The following PDGFRB variants were observed in gnomAD, a reference collection of about 807,000 sequenced individuals.
The protein encoded by PDGFRB is platelet derived growth factor receptor beta, also known as platelet-derived growth factor receptor beta.
PDGFRB carries 42 observed loss-of-function variants against 120.2 expected under a neutral mutation model. The ratio of observed to expected loss-of-function variants is 0.35; its 90% CI spans 0.27 to 0.45. The LOEUF is 0.45. Ranked by LOEUF, PDGFRB falls within the 20% of genes least tolerant of loss-of-function variation. The pLI is 1.00. For synonymous variants in PDGFRB, 586 were observed against 606.8 expected (o/e 0.97, Z 0.50); for missense variants, 1,149 against 1,476.3 (o/e 0.78, Z 3.63).
intron 22 of PDGFRB, 75 bp downstream of exon 22, chr5:150,117,538 GCGCGC>G (rs530509898): frequency 1.7e-6 from 1 of 586,064 alleles, no homozygotes. Flanking sequence ...GCGCGCGCGC[GCGCGC>G]GCACACACAC....
At chr5:150,119,746 G>A (rs951029787) in intron 19 of PDGFRB, among the ~76,000 whole-genome samples, 180 bp from the exon 20 acceptor site, 1 of 152,224 alleles carries the variant, frequency 6.6e-6, no homozygotes, top group Non-Finnish European at 1.5e-5. Flanking sequence ...ACCCTCCCCA[G>A]GATAGACAGC....
At chr5:150,145,770 G>A (rs1459149510) in intron 1 of PDGFRB, among the ~76,000 whole-genome samples, 1 of 152,124 alleles carries the variant, frequency 6.6e-6, no homozygotes, top group Non-Finnish European at 1.5e-5. Context: ...GCGTGGTGGA[G>A]GGAGCCTGTA....
In PDGFRB at chr5:150,135,568, G is replaced by A. The variant is rs1396345225; in HGVS notation, c.351C>T (p.Tyr117=). Residue 117 remains tyrosine (Y), a synonymous_variant, in exon 3 of 23, where the codon TAC becomes TAT. Transcript: ENST00000261799. Reference sequence around the variant, plus strand: ...GGGAGCCCTTACCTGGCACAAAGATGTAGAGCCGTTTCCGCTCATCGGTCT... The same window carrying A: ...GGGAGCCCTTACCTGGCACAAAGATATAGAGCCGTTTCCGCTCATCGGTCT... The part of the protein sequence containing the change: ...GLETDERKRL[Y]IFVPDPTVGF... The A allele has an allele frequency of 3.7e-6, 6 of 1,605,258 alleles. No homozygotes were observed. The highest frequency in any genetic ancestry group is 1.7e-5 in the Admixed American group (1 of 59,606).
In PDGFRB at chr5:150,120,673, C is replaced by T. The variant is rs193549; in HGVS notation, c.2586+215G>A. On this transcript the variant is annotated intron_variant, in intron 18 of 22. Transcript: ENST00000261799. This position sits in a 1 kb window ranked among gnomAD's most constrained non-coding sequence, Gnocchi z 4.3. ...TGGACCCATTATAGCCAGCCCTCCC[C>T]GCCGCTATACTTGCTCCATGCACTC... Among the ~76,000 whole-genome samples the T allele has an allele frequency of 0.23, 34,321 of 152,158 alleles. 4,744 individuals carry two copies. Among genetic ancestry groups the T allele is most frequent in the Middle Eastern group, 0.35 (104 of 294 alleles).
chr5:150,142,700 C>T (rs917115972), intron 1 of PDGFRB, among the ~76,000 whole-genome samples: 5 of 152,160 alleles, frequency 3.3e-5, no homozygotes, highest in Non-Finnish European at 7.3e-5. Flanking sequence ...AACCAAACCC[C>T]ATACATACTA....
intron 1 of PDGFRB, among the ~76,000 whole-genome samples, chr5:150,148,499 C>T (rs1173097323): frequency 6.6e-6 from 1 of 152,236 alleles, no homozygotes; most frequent in Non-Finnish European, 1.5e-5. Flanking sequence ...GAGGGCAGAA[C>T]AGACATATGG....
At chr5:150,144,606 G>A (rs1020548295) in intron 1 of PDGFRB, among the ~76,000 whole-genome samples, 10 of 152,342 alleles carry the variant, frequency 6.6e-5, no homozygotes, top group East Asian at 3.9e-4. Flanking sequence ...CCCCTCACCC[G>A]TCAGAGTGCC....
chr5:150,127,149 T>A (rs1304810359), intron 10 of PDGFRB, among the ~76,000 whole-genome samples: 5 of 152,174 alleles, frequency 3.3e-5, no homozygotes, highest in African/African-American at 1.2e-4. Flanking sequence ...CGGAGGCCAC[T>A]TCTCCCCACT....
rs1400397047 is a variant in PDGFRB, at chr5:150,121,468, A to AAT, written c.2345-148_2345-147dup. The stretch of plus-strand genomic sequence containing the variant: ...TCCCCTAAAAGGAGAATGATTTCTT[A>AAT]ATATCAAACTCAAAGTTCTCCTGCT... On this transcript the variant is annotated intron_variant, in intron 16 of 22. Coordinates refer to ENST00000261799, the MANE Select transcript of PDGFRB (RefSeq NM_002609.4). This position sits in a 1 kb window ranked among gnomAD's most constrained non-coding sequence, Gnocchi z 4.1. 3.1e-6 allele frequency: 2 copies of AAT among 646,874 alleles called. No individual in the cohort carries two copies. Among genetic ancestry groups the AAT allele is most frequent in the African/African-American group, 3.6e-5 (2 of 55,332 alleles). The allele number at this position is 646,874 out of a possible 1,614,324, so 40.1% of individuals were successfully genotyped here. A position where few individuals can be genotyped will look rare whatever the true frequency, so the allele number is the denominator to read the frequency against.
rs762039865 is a variant in PDGFRB at position 150,129,801 on chromosome 5, T to C, written c.1535A>G (p.Asn512Ser). The C allele has an allele frequency of 2.0e-5, 32 of 1,613,790 alleles. 1 individual carries two copies. The South Asian group carries it at 2.9e-4, about 14-fold the overall frequency. Residue 512 changes from asparagine (N) to serine (S), a missense_variant, in exon 10 of 23, where the codon AAC becomes AGC. Coordinates refer to ENST00000261799, the MANE Select transcript of PDGFRB (RefSeq NM_002609.4). ...CTCCTGCGTGTCCTGGCCCACAGCGTTGCGCAGCGTGCAGCGCACCGACAG... is the reference window on the plus strand; with the variant it reads ...CTCCTGCGTGTCCTGGCCCACAGCGCTGCGCAGCGTGCAGCGCACCGACAG... ...RPLSVRCTLR[N>S]AVGQDTQEVI...
chr5:150,150,913 A>G (rs1321083048), intron 1 of PDGFRB, among the ~76,000 whole-genome samples: 1 of 152,118 alleles, frequency 6.6e-6, no homozygotes, highest in Non-Finnish European at 1.5e-5. Context: ...ATCCACACAC[A>G]GCCCCTAGTG....
intron 1 of PDGFRB, among the ~76,000 whole-genome samples, chr5:150,138,708 C>A (rs1221279372): frequency 6.6e-6 from 1 of 152,232 alleles, no homozygotes; most frequent in Non-Finnish European, 1.5e-5. Flanking sequence ...CAGCTGGATG[C>A]CAGGCCTCCT....
intron 1 of PDGFRB, among the ~76,000 whole-genome samples, chr5:150,147,307 G>C (rs1336762319): frequency 6.6e-6 from 1 of 152,212 alleles, no homozygotes; most frequent in East Asian, 1.9e-4. Flanking sequence ...TGGCAACAGG[G>C]AGTGCCAGGC....
chr5:150,136,545 G>A (rs1177204461), intron 2 of PDGFRB, among the ~76,000 whole-genome samples: 1 of 152,216 alleles, frequency 6.6e-6, no homozygotes, highest in Admixed American at 6.5e-5. Context: ...CTGCCGGGCA[G>A]GCTGCTGGCT....
intron 9 of PDGFRB, 123 bp downstream of exon 9, chr5:150,130,416 T>C: frequency 1.1e-6 from 1 of 915,164 alleles, no homozygotes; most frequent in Non-Finnish European, 1.7e-6. Flanking sequence ...TGACCTGGCC[T>C]CCTAGGATGC....
chr5:150,117,172 G>C (rs921866730), intron 22 of PDGFRB, among the ~76,000 whole-genome samples: 1 of 152,194 alleles, frequency 6.6e-6, no homozygotes, highest in African/African-American at 2.4e-5. Context: ...AGGCACCTCT[G>C]ACTCCTACAA....
intron 1 of PDGFRB, among the ~76,000 whole-genome samples, chr5:150,140,192 T>C (rs750517276): frequency 7.2e-5 from 11 of 152,120 alleles, no homozygotes; most frequent in Non-Finnish European, 1.5e-4. Context: ...CCACCAAATG[T>C]GTTAGGCCTC....
intron 11 of PDGFRB, 95 bp from the exon 12 acceptor site, chr5:150,125,672 C>A: frequency 8.1e-7 from 1 of 1,227,074 alleles, no homozygotes; most frequent in Non-Finnish European, 1.2e-6. Flanking sequence ...GGCAGGAGAC[C>A]CTGAGGCCCA....
At position 150,155,516 on chromosome 5, in the gene PDGFRB, G is replaced by A. The variant is rs990251537; in HGVS notation, c.-126C>T. 12 of 398,500 alleles carry A rather than the reference G, an allele frequency of 3.0e-5. No homozygotes were observed. The highest frequency in any genetic ancestry group is 4.9e-5 in the Non-Finnish European group (11 of 226,154). 24.7% of individuals were successfully genotyped at this position (398,500 alleles called of 1,614,324 possible). On this transcript the variant is annotated 5_prime_UTR_variant, in exon 1 of 23. Transcript: ENST00000261799. ...AGAAAGACTGCTGGTCCCAGAGTGG[G>A]TAACAGCTGAGTAGAAGGACAGGCA... is the stretch of plus-strand genomic sequence containing the variant.
Sources: allele counts gnomAD v4.1 joint callset (sites outside exome capture counted in the v4.1 genomes callset), GRCh38; gene constraint gnomAD v4.1.1; non-coding constraint Gnocchi (gnomAD v3.1); transcripts MANE v1.5; gene names NCBI Gene and HGNC (gene_info 2026-07-23, HGNC 2026-07-21).